MERTK: variants seen among roughly 807,000 people sequenced by gnomAD.
MERTK encodes the protein MER proto-oncogene, tyrosine kinase.
A neutral mutation model predicts 99.3 loss-of-function variants in MERTK; 69 were observed. The ratio of observed to expected loss-of-function variants is 0.70; its 90% CI spans 0.57 to 0.85. The LOEUF is 0.85. MERTK is among the 40% of genes least tolerant of loss of function. MERTK has a pLI of 0.00. For missense variants in MERTK, 1,125 were observed against 1,249.4 expected (o/e 0.90, Z 1.50); for synonymous variants, 426 against 467.6 (o/e 0.91, Z 1.15).
intron 12 of MERTK, chr2:112,003,577 G>T: frequency 2.7e-6 from 1 of 372,986 alleles, no homozygotes; most frequent in South Asian, 2.7e-5. Flanking sequence ...TTCTTAGGAT[G>T]AATGATAATG....
At chr2:111,952,125 C>A (rs1341339628) in intron 4 of MERTK, 1 of 151,992 alleles carries the variant, frequency 6.6e-6, no homozygotes, top group African/African-American at 2.4e-5. Flanking sequence ...AAGTTCTTTA[C>A]AATTTAATTT....
chr2:112,028,238 G>A, intron 18 of MERTK, 113 bp from the exon 19 acceptor site: 10 of 1,175,914 alleles, frequency 8.5e-6, no homozygotes, highest in Non-Finnish European at 1.2e-5. Context: ...TTTATAAAAA[G>A]TAGAATGAAT....
At chr2:111,943,539 A>C (rs908811196) in intron 2 of MERTK, among the ~76,000 whole-genome samples, 7 of 152,036 alleles carry the variant, frequency 4.6e-5, no homozygotes, top group Non-Finnish European at 8.8e-5. Context: ...ACCCCATCTA[A>C]AATAAAATAA....
Position 111,908,702 on chromosome 2 carries a change from T to G in MERTK, c.61+9906T>G, listed in dbSNP as rs1684186685. Among the ~76,000 whole-genome samples, 6 of 152,266 alleles carry G rather than the reference T, an allele frequency of 3.9e-5. No individual in the cohort carries two copies. The South Asian group carries it at 1.2e-3, about 32-fold the overall frequency. ...ACAAGCAGTCTGACAGCAACCAGGT[T>G]GGGATTAGACAGTGGCTCCATGATA... is the stretch of plus-strand genomic sequence containing the variant. On this transcript the variant is annotated intron_variant, in intron 1 of 18. Coordinates refer to ENST00000295408, the MANE Select transcript of MERTK (RefSeq NM_006343.3).
At chr2:111,997,283 A>G (rs1292354188) in intron 9 of MERTK, 40 bp from the exon 10 acceptor site, 5 of 1,605,296 alleles carry the variant, frequency 3.1e-6, no homozygotes, top group Non-Finnish European at 4.3e-6. Flanking sequence ...TGTTTCTCAT[A>G]TATTTCAAAC....
chr2:111,920,350 G>T (rs1386519582), intron 1 of MERTK, among the ~76,000 whole-genome samples: 1 of 152,062 alleles, frequency 6.6e-6, no homozygotes, highest in Non-Finnish European at 1.5e-5. Flanking sequence ...TCCTGCAAGC[G>T]CCAGGCCTGT....
At chr2:112,006,991 A>G (rs1167007375) in intron 13 of MERTK, among the ~76,000 whole-genome samples, 2 of 149,616 alleles carry the variant, frequency 1.3e-5, no homozygotes, top group African/African-American at 4.9e-5. Flanking sequence ...TGTTAACGCA[A>G]ATTCCCTAAG....
rs768477973 is a variant in MERTK at position 112,001,229 on chromosome 2, T to C, written c.1633T>C (p.Leu545=). 6.2e-7 allele frequency: 1 copy of C among 1,613,692 alleles called. No homozygotes were observed. The highest frequency in any genetic ancestry group is 8.5e-7 in the Non-Finnish European group (1 of 1,179,632). Residue 545 remains leucine (L), a synonymous_variant, in exon 11 of 19, where the codon TTA becomes CTA. Coordinates refer to ENST00000295408, the MANE Select transcript of MERTK (RefSeq NM_006343.3). ...GNAFTEEDSE[L]VVNYIAKKSF... ...TGCATTCACAGAGGAGGATTCTGAA[T>C]TAGTGGTGAATTATATAGCAAAGAA...
chr2:111,994,232 T>C lies in MERTK; in HGVS notation c.1297-19T>C. On this transcript the variant is annotated intron_variant, in intron 8 of 18. Transcript: ENST00000295408. Reference sequence around the variant, plus strand: ...CAGACCTCAGTGTTTTCATTTCCTCTCTTCCTCTCTGTCTCCAGAAAGAGC... The same window carrying C: ...CAGACCTCAGTGTTTTCATTTCCTCCCTTCCTCTCTGTCTCCAGAAAGAGC... 2 of 1,613,242 alleles carry C rather than the reference T, an allele frequency of 1.2e-6. No individual in the cohort carries two copies. Among genetic ancestry groups the C allele is most frequent in the South Asian group, 1.1e-5 (1 of 91,032 alleles).
At chr2:111,907,637 G>T (rs925253837) in intron 1 of MERTK, among the ~76,000 whole-genome samples, 1 of 150,814 alleles carries the variant, frequency 6.6e-6, no homozygotes, top group Non-Finnish European at 1.5e-5. Context: ...AGCTTTTTCC[G>T]GGGTGGATGG....
intron 1 of MERTK, among the ~76,000 whole-genome samples, chr2:111,904,912 T>A (rs180863067): frequency 9.8e-5 from 15 of 152,336 alleles, no homozygotes; most frequent in Admixed American, 2.0e-4. Flanking sequence ...GAGGGAGCCC[T>A]GATTACTCTC....
At chr2:111,906,554 G>A (rs780288089) in intron 1 of MERTK, among the ~76,000 whole-genome samples, 38 of 152,326 alleles carry the variant, frequency 2.5e-4, no homozygotes, top group Non-Finnish European at 5.1e-4. Context: ...GGAATTCTCA[G>A]TGCGGTGATA....
chr2:111,958,347 G>GTGTACACTCATTGCTA (rs1359592543), intron 4 of MERTK, among the ~76,000 whole-genome samples: 1 of 152,180 alleles, frequency 6.6e-6, no homozygotes, highest in Non-Finnish European at 1.5e-5. Flanking sequence ...TCTTCTCCTA[G>GTGTACACTCATTGCTA]TGTACACTCA....
chr2:111,979,199 T>C (rs1676318021), intron 7 of MERTK, among the ~76,000 whole-genome samples: 1 of 152,214 alleles, frequency 6.6e-6, no homozygotes, highest in Admixed American at 6.5e-5. Flanking sequence ...TTCCACAAAA[T>C]GTATACATAA....
rs1418538298 is a variant in MERTK at position 112,010,057 on chromosome 2, A to G, written c.2070A>G (p.Thr690=). Residue 690 remains threonine, a synonymous_variant, in exon 15 of 19, where the codon ACA becomes ACG. Coordinates refer to ENST00000295408, the MANE Select transcript of MERTK (RefSeq NM_006343.3). ...ACTTACTTTATTCCCGATTGGAGACAGGACCAAAGGTAATGATCTCCTTGT... is the reference window on the plus strand; with the variant it reads ...ACTTACTTTATTCCCGATTGGAGACGGGACCAAAGGTAATGATCTCCTTGT... ...HTYLLYSRLE[T]GPKHIPLQTL... The G allele has an allele frequency of 6.2e-7, 1 of 1,603,660 alleles. No individual in the cohort carries two copies. The highest frequency in any genetic ancestry group is 1.7e-5 in the Admixed American group (1 of 60,012).
At chr2:111,956,577 A>G (rs1404558535) in intron 4 of MERTK, among the ~76,000 whole-genome samples, 1 of 152,236 alleles carries the variant, frequency 6.6e-6, no homozygotes, top group African/African-American at 2.4e-5. Context: ...ACTAGAATTT[A>G]TACAAATTAG....
intron 6 of MERTK, among the ~76,000 whole-genome samples, chr2:111,968,558 T>TTGCCCAGGCTGGA (rs770604257): frequency 5.3e-5 from 8 of 151,646 alleles, no homozygotes; most frequent in Admixed American, 4.6e-4. Flanking sequence ...TTTACTCTTG[T>TTGCCCAGGCTGGA]TGCCCAGGCT....
At chr2:111,938,323 C>T (rs1416684927) in intron 2 of MERTK, among the ~76,000 whole-genome samples, 3 of 152,170 alleles carry the variant, frequency 2.0e-5, no homozygotes, top group African/African-American at 7.2e-5. Flanking sequence ...TCTTGAACTC[C>T]TGGGCTCACG....
chr2:111,932,403 A>G (rs6755970), intron 2 of MERTK, among the ~76,000 whole-genome samples: 93,792 of 151,952 alleles, frequency 0.62, 29,305 homozygotes, highest in Middle Eastern at 0.69. Context: ...GGATGGTCTC[A>G]ATCTCCTGAC....
Sources: allele counts gnomAD v4.1 joint callset (sites outside exome capture counted in the v4.1 genomes callset), GRCh38; gene constraint gnomAD v4.1.1; transcripts MANE v1.5; gene names NCBI Gene and HGNC (gene_info 2026-07-23, HGNC 2026-07-21).